Variants in OGFOD3 observed in about 807,000 individuals in gnomAD.
OGFOD3 encodes the protein 2-oxoglutarate and iron-dependent oxygenase domain-containing protein 3.
In OGFOD3, 35 loss-of-function variants were observed where a neutral mutation model predicts 39.8. The ratio of observed to expected loss-of-function variants is 0.88; its 90% confidence interval spans 0.67 to 1.17. The LOEUF is 1.17. Among genes scored for constraint, OGFOD3 ranks in the 50% most tolerant of loss-of-function variants. OGFOD3 has a pLI of 0.00. For missense variants in OGFOD3, 438 were observed against 454.5 expected, an observed-to-expected ratio of 0.96 and a Z score of 0.33; for synonymous variants, 200 against 192.0, an observed-to-expected ratio of 1.04 and a Z score of -0.34.
At chr17:82,400,477 G>A (rs1045118673) in intron 7 of OGFOD3, among the ~76,000 whole-genome samples, 1 of 152,210 alleles carries the variant, frequency 6.6e-6, no homozygotes, top group Non-Finnish European at 1.5e-5. Context: ...GCAATGGGAA[G>A]AAGGAACAAT....
In OGFOD3 at chr17:82,415,976, C is replaced by A. The variant is rs2053027120; in HGVS notation, c.75-349G>T. Among the ~76,000 whole-genome samples the A allele has an allele frequency of 1.3e-5, 2 of 151,990 alleles. No homozygotes were observed. Among genetic ancestry groups the A allele is most frequent in the African/African-American group, 4.8e-5 (2 of 41,372 alleles). ...CGGCGCAGTGGCTTATGCCTGTAAT[C>A]CCAGCACCTGGGGAGGCCAAGGCGG... is the stretch of plus-strand genomic sequence containing the variant. On this transcript the variant is annotated intron_variant, in intron 1 of 8. Transcript: ENST00000313056. This position sits in a 1 kb window ranked among gnomAD's most constrained non-coding sequence, Gnocchi z 5.3.
At position 82,398,213 on chromosome 17, in the gene OGFOD3, G is replaced by A. The variant is rs560916517; in HGVS notation, c.806C>T (p.Thr269Met). ...CCTCCTACCAGCTCTCGGCTCCACC[G>A]TCTTGTTGGCACCCTCCTCCATGAA... ...FMFMEEGANK[T>M]VEPRAGRVSF... The change falls in exon 8 of 9, where the codon ACG (threonine) becomes ATG (methionine). Residue 269 changes from threonine (T) to methionine (M), a missense_variant. By Grantham distance (81) the Thr-to-Met change is moderately conservative. Coordinates refer to ENST00000313056, the MANE Select transcript of OGFOD3 (RefSeq NM_024648.3). The A allele has an allele frequency of 1.4e-4, 230 of 1,614,060 alleles. No individual in the cohort carries two copies. In the East Asian group the frequency reaches 4.9e-3, roughly 34 times the overall value.
At chr17:82,418,023 T>G (rs2053099183) in intron 1 of OGFOD3, among the ~76,000 whole-genome samples, 3 of 152,220 alleles carry the variant, frequency 2.0e-5, no homozygotes, top group Admixed American at 2.0e-4. Context: ...TTTCGTGGTT[T>G]AAAAGTGAAG....
At chr17:82,418,095 A>T (rs2053101237) in intron 1 of OGFOD3, among the ~76,000 whole-genome samples, 1 of 152,138 alleles carries the variant, frequency 6.6e-6, no homozygotes, top group Non-Finnish European at 1.5e-5. Flanking sequence ...ATTCCACGGG[A>T]CAGCGACAGC....
chr17:82,398,362 C>A (rs1176293201), intron 7 of OGFOD3, 43 bp from the exon 8 acceptor site: 4 of 1,612,192 alleles, frequency 2.5e-6, no homozygotes, highest in Non-Finnish European at 2.5e-6. Flanking sequence ...GGGCTCTCAG[C>A]ATGCGACCAG....
chr17:82,412,180 G>A (rs1278286809), intron 2 of OGFOD3, among the ~76,000 whole-genome samples: 2 of 152,136 alleles, frequency 1.3e-5, no homozygotes, highest in Non-Finnish European at 1.5e-5. Context: ...AGGGCACAGC[G>A]AACTGCTCCG....
chr17:82,409,869 T>C (rs1461344494), intron 3 of OGFOD3, among the ~76,000 whole-genome samples: 1 of 151,884 alleles, frequency 6.6e-6, no homozygotes, highest in African/African-American at 2.4e-5. Context: ...CACTCCAGCC[T>C]GGACAACAAA....
Position 82,404,651 on chromosome 17 carries a change from C to T in OGFOD3, c.546-561G>A, listed in dbSNP as rs987476801. 6.6e-6 allele frequency among the ~76,000 whole-genome samples: 1 copy of T among 151,914 alleles called. No homozygotes were observed. The highest frequency in any genetic ancestry group is 1.5e-5 in the Non-Finnish European group (1 of 67,978). On this transcript the variant is annotated intron_variant, in intron 6 of 8. Coordinates refer to ENST00000313056, the MANE Select transcript of OGFOD3 (RefSeq NM_024648.3). This position sits in a 1 kb window ranked among gnomAD's most constrained non-coding sequence, Gnocchi z 4.5. Reference sequence around the variant, plus strand: ...CATGTGGGGGGCTCGAGGGGGGTCACTCATGTGTCCTGGGATGGTTGCGTG... The same window carrying T: ...CATGTGGGGGGCTCGAGGGGGGTCATTCATGTGTCCTGGGATGGTTGCGTG...
intron 4 of OGFOD3, among the ~76,000 whole-genome samples, chr17:82,408,413 G>C (rs1362412066): frequency 6.6e-6 from 1 of 152,136 alleles, no homozygotes; most frequent in Non-Finnish European, 1.5e-5. Flanking sequence ...ATGGGAATTG[G>C]AGCTAACACC....
At position 82,411,398 on chromosome 17, in the gene OGFOD3, A is replaced by G. The variant is rs191756426; in HGVS notation, c.380+57T>C. On this transcript the variant is annotated intron_variant, in intron 3 of 8. Transcript: ENST00000313056. ...CTAACAATGCTCTGCTTCCCGCCCT[A>G]GCCCCACTCCGCGTGTGTTTGTTTG... 5,295 of 1,489,002 alleles carry G rather than the reference A, an allele frequency of 3.6e-3. 23 individuals are homozygous for G. Among genetic ancestry groups the G allele is most frequent in the Non-Finnish European group, 4.3e-3 (4,631 of 1,066,954 alleles). 92.2% of individuals were successfully genotyped at this position (1,489,002 alleles called of 1,614,324 possible).
chr17:82,415,420 G>T lies in OGFOD3; in HGVS notation c.282C>A (p.Tyr94Ter). ...RFIEVPCSED[Y>*]DSHRRFEGCT... The stretch of plus-strand genomic sequence containing the variant: ...TACCTTCGAACCTGCGGTGACTGTC[G>T]TAGTCCTCAGAGCAGGGCACCTCGA... Residue 94 changes from tyrosine to a stop codon, truncating the protein, a stop_gained, in exon 2 of 9, where the codon TAC (tyrosine) becomes TAA (stop). Coordinates refer to ENST00000313056, the MANE Select transcript of OGFOD3 (RefSeq NM_024648.3). LOFTEE classifies it high-confidence loss of function. The surrounding 1 kb of genome is among the most constrained non-coding windows in gnomAD (Gnocchi z 5.3). 1 of 1,613,818 alleles carries T rather than the reference G, an allele frequency of 6.2e-7. No homozygotes were observed. Among genetic ancestry groups the T allele is most frequent in the East Asian group, 2.2e-5 (1 of 44,870 alleles).
intron 2 of OGFOD3, among the ~76,000 whole-genome samples, chr17:82,413,596 G>A (rs1161498115): frequency 2.0e-5 from 3 of 152,132 alleles, no homozygotes; most frequent in Non-Finnish European, 2.9e-5. Context: ...GAGGCCAGGC[G>A]CAGTGGCTCA....
At chr17:82,414,992 G>A (rs2053009504) in intron 2 of OGFOD3, among the ~76,000 whole-genome samples, 1 of 152,150 alleles carries the variant, frequency 6.6e-6, no homozygotes, top group Non-Finnish European at 1.5e-5. Context: ...CATCTCTCAG[G>A]CCCAGGCAGA....
rs1214264128 is a variant in OGFOD3 at position 82,398,316 on chromosome 17, T to C, written c.703A>G (p.Thr235Ala). 6.2e-7 allele frequency: 1 copy of C among 1,614,074 alleles called. No homozygotes were observed. Among genetic ancestry groups the C allele is most frequent in the East Asian group, 2.2e-5 (1 of 44,888 alleles). ...EYWHAHVDKV[T>A]YGSFDYTSLL... Reference sequence around the variant, plus strand: ...GAGGTGTAGTCGAAGGAGCCGTAGGTCACCTGAGGGCAGAGCCGGGAGGAG... The same window carrying C: ...GAGGTGTAGTCGAAGGAGCCGTAGGCCACCTGAGGGCAGAGCCGGGAGGAG... Residue 235 changes from threonine (T) to alanine (A), a missense_variant, in exon 8 of 9, where the codon ACC becomes GCC. Transcript: ENST00000313056.
Position 82,404,057 on chromosome 17 carries a change from A to G in OGFOD3, c.579T>C (p.Ala193=), listed in dbSNP as rs760072827. The change falls in exon 7 of 9, where the codon GCT becomes GCC. Residue 193 remains alanine, a synonymous_variant. Coordinates refer to ENST00000313056, the MANE Select transcript of OGFOD3 (RefSeq NM_024648.3). The surrounding 1 kb of genome is among the most constrained non-coding windows in gnomAD (Gnocchi z 4.5). The part of the protein sequence containing the change: ...EVRQKVQLTI[A]EAFGISASSL... Reference sequence around the variant, plus strand: ...AGGATGCGCTGATGCCAAAAGCCTCAGCAATGGTGAGCTGGACCTTCTGCC... The same window carrying G: ...AGGATGCGCTGATGCCAAAAGCCTCGGCAATGGTGAGCTGGACCTTCTGCC... 1.2e-6 allele frequency: 2 copies of G among 1,607,146 alleles called. No individual in the cohort carries two copies. The highest frequency in any genetic ancestry group is 2.2e-5 in the East Asian group (1 of 44,652).
intron 1 of OGFOD3, among the ~76,000 whole-genome samples, chr17:82,417,480 A>G (rs1020992828): frequency 2.0e-5 from 3 of 151,848 alleles, no homozygotes; most frequent in Non-Finnish European, 4.4e-5. Context: ...TTAGCCGGGC[A>G]TGGTGGCGGG....
chr17:82,412,049 A>G (rs1209373418), intron 2 of OGFOD3, among the ~76,000 whole-genome samples: 3 of 66,314 alleles, frequency 4.5e-5, no homozygotes, highest in Non-Finnish European at 9.2e-5. Context: ...TCCTGGGACC[A>G]CTGGCGCAGA....
At chr17:82,409,277 A>C in intron 4 of OGFOD3, 91 bp downstream of exon 4, 1 of 1,345,114 alleles carries the variant, frequency 7.4e-7, no homozygotes, top group Non-Finnish European at 1.1e-6. Flanking sequence ...GCACGCAGGG[A>C]ACCCTGCATG....
At chr17:82,408,465 G>A (rs2052890784) in intron 4 of OGFOD3, among the ~76,000 whole-genome samples, 3 of 152,206 alleles carry the variant, frequency 2.0e-5, no homozygotes, top group Admixed American at 1.3e-4. Flanking sequence ...CAACAGGAGG[G>A]CGAGGCCACA....
Sources: gnomAD v4.1 joint callset for allele counts (sites outside exome capture counted in the v4.1 genomes callset) on GRCh38, gnomAD v4.1.1 for gene constraint, Gnocchi (gnomAD v3.1) non-coding constraint, MANE v1.5 for transcripts, NCBI Gene and HGNC (gene_info 2026-07-23, HGNC 2026-07-21) for gene names.